The following AKT3 variants were observed in gnomAD, a reference collection of about 807,000 sequenced individuals.
AKT3 encodes the protein RAC-gamma serine/threonine-protein kinase.
A neutral mutation model predicts 65.3 loss-of-function variants in AKT3; 15 were observed. The ratio of observed to expected loss-of-function variants is 0.23; its 90% CI spans 0.15 to 0.35. The LOEUF is 0.35. Ranked by LOEUF, AKT3 falls within the 10% of genes least tolerant of loss-of-function variation. The pLI is 1.00. For synonymous variants in AKT3, 206 were observed against 183.8 expected (o/e 1.12, Z -0.98); for missense variants, 243 against 576.5 (o/e 0.42, Z 5.92).
chr1:243,752,440 T>G (rs1688866867), intron 2 of AKT3, among the ~76,000 whole-genome samples: 1 of 152,228 alleles, frequency 6.6e-6, no homozygotes, highest in African/African-American at 2.4e-5. Context: ...ACTGCCCATG[T>G]TCATTACCTA....
At chr1:243,843,003 C>A (rs541601950) in intron 2 of AKT3, 122 bp downstream of exon 2, 5 of 990,186 alleles carry the variant, frequency 5.0e-6, no homozygotes, top group African/African-American at 3.2e-5. Context: ...TATATCATTT[C>A]TCTCTTACTA....
At chr1:243,576,992 G>C (rs1158068323) in intron 8 of AKT3, among the ~76,000 whole-genome samples, 2 of 152,194 alleles carry the variant, frequency 1.3e-5, no homozygotes, top group Non-Finnish European at 2.9e-5. Flanking sequence ...CAAGGCTATA[G>C]TAACCAAAAC....
intron 6 of AKT3, among the ~76,000 whole-genome samples, chr1:243,628,534 G>T (rs980344519): frequency 6.6e-6 from 1 of 152,102 alleles, no homozygotes; most frequent in African/African-American, 2.4e-5. Flanking sequence ...TGAACTCCTG[G>T]ACTCATGCGA....
intron 6 of AKT3, among the ~76,000 whole-genome samples, chr1:243,631,408 C>T (rs182435114): frequency 3.3e-4 from 50 of 152,242 alleles, no homozygotes; most frequent in African/African-American, 1.2e-3. Flanking sequence ...CATGCCTCAG[C>T]CTCCCAAGTA....
At chr1:243,803,638 G>T (rs1185120572) in intron 2 of AKT3, among the ~76,000 whole-genome samples, 1 of 110,622 alleles carries the variant, frequency 9.0e-6, no homozygotes, top group Non-Finnish European at 1.8e-5. Context: ...GAACAAAGAC[G>T]TACATGTACA....
At chr1:243,519,583 T>C (rs1007498875) in intron 12 of AKT3, among the ~76,000 whole-genome samples, 8 of 152,156 alleles carry the variant, frequency 5.3e-5, no homozygotes, top group Non-Finnish European at 1.0e-4. Flanking sequence ...TATAAGCACT[T>C]GGAGAAAGTT....
intron 6 of AKT3, among the ~76,000 whole-genome samples, chr1:243,618,773 TATCATTC>T (rs529508707): frequency 7.1e-4 from 108 of 152,250 alleles, no homozygotes; most frequent in African/African-American, 2.5e-3. Flanking sequence ...CTCTCCAATT[TATCATTC>T]ACCCTCTATT....
At chr1:243,838,928 C>T (rs532363427) in intron 2 of AKT3, among the ~76,000 whole-genome samples, 6 of 152,122 alleles carry the variant, frequency 3.9e-5, no homozygotes, top group East Asian at 1.9e-4. Context: ...TAAAGTAACA[C>T]GAGCATGGAA....
At chr1:243,690,610 A>G (rs1009596799) in intron 3 of AKT3, among the ~76,000 whole-genome samples, 5 of 151,960 alleles carry the variant, frequency 3.3e-5, no homozygotes, top group South Asian at 4.1e-4. Flanking sequence ...TGCTATCCAC[A>G]TTCTACAGGC....
At chr1:243,817,860 A>G (rs982874737) in intron 2 of AKT3, among the ~76,000 whole-genome samples, 2 of 152,252 alleles carry the variant, frequency 1.3e-5, no homozygotes, top group Non-Finnish European at 2.9e-5. Context: ...ACTTGAAAAA[A>G]TATTCTGAAT....
intron 3 of AKT3, among the ~76,000 whole-genome samples, chr1:243,670,925 C>T (rs1337626141): frequency 2.0e-5 from 3 of 151,962 alleles, no homozygotes; most frequent in Admixed American, 2.0e-4. Flanking sequence ...CCAAGAAATA[C>T]ATACACCAAA....
intron 2 of AKT3, among the ~76,000 whole-genome samples, chr1:243,704,477 A>T (rs553426743): frequency 4.6e-5 from 7 of 152,294 alleles, no homozygotes; most frequent in African/African-American, 1.7e-4. Flanking sequence ...CATTTCTTTA[A>T]CCATTCTTAG....
At chr1:243,811,468 G>A (rs974356433) in intron 2 of AKT3, among the ~76,000 whole-genome samples, 2 of 152,178 alleles carry the variant, frequency 1.3e-5, no homozygotes, top group Admixed American at 6.5e-5. Flanking sequence ...TACAAGGGAT[G>A]TGAAGGACCT....
intron 8 of AKT3, among the ~76,000 whole-genome samples, chr1:243,587,143 G>T (rs1675870900): frequency 6.6e-6 from 1 of 152,034 alleles, no homozygotes; most frequent in South Asian, 2.1e-4. Flanking sequence ...CTTAAAAAAG[G>T]GCAATTTTAA....
At chr1:243,682,549 C>A (rs955242561) in intron 3 of AKT3, among the ~76,000 whole-genome samples, 6 of 152,138 alleles carry the variant, frequency 3.9e-5, no homozygotes, top group East Asian at 3.9e-4. Context: ...CTAACTGTGG[C>A]CCTGAGAAAA....
chr1:243,728,164 A>G (rs1687330805), intron 2 of AKT3, among the ~76,000 whole-genome samples: 1 of 152,206 alleles, frequency 6.6e-6, no homozygotes, highest in Admixed American at 6.5e-5. Context: ...CTCCTGAAAC[A>G]CGCATCAACG....
At chr1:243,713,493 T>C (rs1686286678) in intron 2 of AKT3, among the ~76,000 whole-genome samples, 1 of 151,992 alleles carries the variant, frequency 6.6e-6, no homozygotes, top group African/African-American at 2.4e-5. Context: ...CCGTCTCAAG[T>C]TCTAGCCATT....
intron 3 of AKT3, among the ~76,000 whole-genome samples, chr1:243,677,709 A>C (rs1335079236): frequency 2.0e-5 from 3 of 152,182 alleles, no homozygotes; most frequent in African/African-American, 7.2e-5. Context: ...ATAAAAAGGT[A>C]GGTCTACTTA....
chr1:243,824,549 C>G (rs1055207896), intron 2 of AKT3, among the ~76,000 whole-genome samples: 1 of 151,674 alleles, frequency 6.6e-6, no homozygotes, highest in Admixed American at 6.6e-5. Context: ...AGACCTTAAA[C>G]AAATTTTCAA....
Sources: gnomAD v4.1 joint callset for allele counts (sites outside exome capture counted in the v4.1 genomes callset) on GRCh38, gnomAD v4.1.1 for gene constraint, MANE v1.5 for transcripts, NCBI Gene and HGNC (gene_info 2026-07-23, HGNC 2026-07-21) for gene names.